The following ARHGAP35 variants were observed in gnomAD, a reference collection of about 807,000 sequenced individuals.
ARHGAP35 encodes the protein Rho GTPase activating protein 35, also known as rho GTPase-activating protein 35.
Under a neutral mutation model 111.1 loss-of-function variants are expected in ARHGAP35, and 15 were observed. The observed-to-expected ratio is 0.13, with a 90% CI of 0.09 to 0.21. ARHGAP35 has a LOEUF of 0.21. Ranked by LOEUF, ARHGAP35 falls within the 10% of genes least tolerant of loss-of-function variation. ARHGAP35 has a pLI of 1.00. For synonymous variants in ARHGAP35, 643 were observed against 710.3 expected (o/e 0.91, Z 1.51); for missense variants, 1,262 against 1,873.0 (o/e 0.67, Z 6.02).
chr19:46,910,030 T>A (rs547498050), intron 1 of ARHGAP35, among the ~76,000 whole-genome samples: 15 of 152,334 alleles, frequency 9.8e-5, no homozygotes, highest in African/African-American at 3.6e-4. Flanking sequence ...TTATGTAAGA[T>A]GATTAACTCC....
chr19:46,862,789 A>G (rs1005111352), intron 1 of ARHGAP35, among the ~76,000 whole-genome samples: 2 of 151,798 alleles, frequency 1.3e-5, no homozygotes, highest in South Asian at 2.1e-4. Flanking sequence ...AGTTTTCCAC[A>G]TGACAGTCTC....
Position 46,861,079 on chromosome 19 carries a change from C to T in ARHGAP35, c.-319C>T, listed in dbSNP as rs1215126905. Among the ~76,000 whole-genome samples, 1 of 148,126 alleles carries T rather than the reference C, an allele frequency of 6.8e-6. No homozygotes were observed. Among genetic ancestry groups the T allele is most frequent in the Non-Finnish European group, 1.5e-5 (1 of 67,282 alleles). On this transcript the variant is annotated 5_prime_UTR_variant, in exon 1 of 7. Transcript: ENST00000672722. ...AACCCGCGAGGGAGGGTCCGCCCGG[C>T]CCCCCGCCGCCGGAGCCGCCGCCGC...
At chr19:46,981,841 TG>T (rs1359726022) in intron 3 of ARHGAP35, among the ~76,000 whole-genome samples, 12 of 150,820 alleles carry the variant, frequency 8.0e-5, no homozygotes, top group Middle Eastern at 3.4e-3. Context: ...TGTTTTGTTT[TG>T]TTTTGTTTTG....
chr19:46,914,748 T>A (rs1599813810), intron 1 of ARHGAP35, among the ~76,000 whole-genome samples: 1 of 152,376 alleles, frequency 6.6e-6, no homozygotes, highest in South Asian at 2.1e-4. Context: ...TTTAGTTCAT[T>A]TCAAAATAGA....
intron 3 of ARHGAP35, among the ~76,000 whole-genome samples, chr19:46,972,430 G>T (rs753654242): frequency 2.0e-5 from 3 of 152,250 alleles, no homozygotes; most frequent in Admixed American, 6.5e-5. Context: ...TTCTTGAGCT[G>T]ATTTCCTACA....
At chr19:46,874,283 C>T (rs2055903901) in intron 1 of ARHGAP35, among the ~76,000 whole-genome samples, 5 of 152,044 alleles carry the variant, frequency 3.3e-5, no homozygotes, top group Admixed American at 3.3e-4. Context: ...AGCAATTCTT[C>T]CCTTACAGGT....
chr19:46,971,526 G>A (rs1352861934), intron 3 of ARHGAP35, among the ~76,000 whole-genome samples: 2 of 151,270 alleles, frequency 1.3e-5, no homozygotes, highest in Non-Finnish European at 1.5e-5. Context: ...TTGAGACGGA[G>A]TCTTGCTCTG....
chr19:46,987,628 C>T (rs1389992083), intron 3 of ARHGAP35, among the ~76,000 whole-genome samples: 1 of 152,144 alleles, frequency 6.6e-6, no homozygotes, highest in Non-Finnish European at 1.5e-5. Flanking sequence ...TCACAACATA[C>T]TTTGTAAGTG....
chr19:46,939,370 T>C (rs1044768837), intron 3 of ARHGAP35, among the ~76,000 whole-genome samples: 7 of 114,278 alleles, frequency 6.1e-5, no homozygotes, highest in Admixed American at 2.8e-4. Context: ...TATGCACCTT[T>C]ACATTTATTT....
chr19:46,930,741 C>T (rs2056268151), intron 2 of ARHGAP35, among the ~76,000 whole-genome samples: 2 of 151,590 alleles, frequency 1.3e-5, no homozygotes, highest in South Asian at 2.1e-4. Context: ...ATAGAATATT[C>T]TTACCTTTTT....
chr19:46,984,443 C>T (rs1290370065), intron 3 of ARHGAP35, among the ~76,000 whole-genome samples: 3 of 152,210 alleles, frequency 2.0e-5, no homozygotes, highest in Non-Finnish European at 4.4e-5. Context: ...TGGCAAGCTG[C>T]CCGTGCTCTT....
Position 47,001,379 on chromosome 19 carries a change from A to G in ARHGAP35, c.*691A>G, listed in dbSNP as rs781751682. 1 of 1,289,882 alleles carries G rather than the reference A, an allele frequency of 7.8e-7. No homozygotes were observed. The highest frequency in any genetic ancestry group is 1.2e-5 in the South Asian group (1 of 81,026). 79.9% of individuals were successfully genotyped at this position (1,289,882 alleles called of 1,614,324 possible). A position where few individuals can be genotyped will look rare whatever the true frequency, so the allele number is the denominator to read the frequency against. ...CTGGCAAACAAAGGAACACTAGGAGAAAAAATGGAAAAACCCTTCCAGTAA... is the reference window on the plus strand; with the variant it reads ...CTGGCAAACAAAGGAACACTAGGAGGAAAAATGGAAAAACCCTTCCAGTAA... On this transcript the variant is annotated 3_prime_UTR_variant, in exon 7 of 7. Coordinates refer to ENST00000672722, the MANE Select transcript of ARHGAP35 (RefSeq NM_004491.5). This position sits in a 1 kb window ranked among gnomAD's most constrained non-coding sequence, Gnocchi z 5.4.
At chr19:46,974,385 C>T (rs1231988303) in intron 3 of ARHGAP35, among the ~76,000 whole-genome samples, 3 of 152,146 alleles carry the variant, frequency 2.0e-5, no homozygotes, top group Non-Finnish European at 2.9e-5. Flanking sequence ...CAAAGTCTGG[C>T]GTTACCATCC....
At chr19:46,977,386 G>A (rs142674284) in intron 3 of ARHGAP35, among the ~76,000 whole-genome samples, 8 of 152,318 alleles carry the variant, frequency 5.3e-5, no homozygotes, top group East Asian at 1.9e-4. Context: ...TGCTCCAGCC[G>A]CTTAGGGAGC....
intron 3 of ARHGAP35, among the ~76,000 whole-genome samples, chr19:46,985,486 C>T (rs2056644119): frequency 6.6e-6 from 1 of 152,240 alleles, no homozygotes; most frequent in Admixed American, 6.5e-5. Flanking sequence ...ACTCAGACCA[C>T]TCTGCCTCTT....
intron 3 of ARHGAP35, among the ~76,000 whole-genome samples, chr19:46,975,579 C>G (rs1254106940): frequency 3.3e-5 from 5 of 152,140 alleles, no homozygotes; most frequent in Admixed American, 6.5e-5. Flanking sequence ...ATGCTAATCC[C>G]TTTTTACAAG....
Position 46,901,433 on chromosome 19 carries a change from C to T in ARHGAP35, c.-188-17055C>T, listed in dbSNP as rs2056083100. Among the ~76,000 whole-genome samples, 1 of 152,160 alleles carries T rather than the reference C, an allele frequency of 6.6e-6. No individual in the cohort carries two copies. Among genetic ancestry groups the T allele is most frequent in the African/African-American group, 2.4e-5 (1 of 41,432 alleles). On this transcript the variant is annotated intron_variant, in intron 1 of 6. Coordinates refer to ENST00000672722, the MANE Select transcript of ARHGAP35 (RefSeq NM_004491.5). This position sits in a 1 kb window ranked among gnomAD's most constrained non-coding sequence, Gnocchi z 4.5. ...ATTAGCTAGGCATGGTGACGCGTGC[C>T]TGTAGTTCCAGCTACTTGGAAGGCT...
chr19:46,909,684 C>T (rs1233120471), intron 1 of ARHGAP35, among the ~76,000 whole-genome samples: 1 of 152,200 alleles, frequency 6.6e-6, no homozygotes, highest in Non-Finnish European at 1.5e-5. Flanking sequence ...ACAACTACCC[C>T]ACCAACACTG....
rs1297387697 is a variant in ARHGAP35 at position 46,999,407 on chromosome 19, C to T, written c.4140C>T (p.Asn1380=). 6.4e-7 allele frequency: 1 copy of T among 1,573,286 alleles called. No individual in the cohort carries two copies. Among genetic ancestry groups the T allele is most frequent in the South Asian group, 1.2e-5 (1 of 85,644 alleles). ...TCAAGTATGTCATCTCTCACCTAAA[C>T]AAGTAAGTCGCAGGGCCTTCTGGTT... ...EVFKYVISHL[N]KVSHNNKVNL... The change falls in exon 6 of 7, where the codon AAC becomes AAT. Residue 1380 remains asparagine, a splice_region_variant and synonymous_variant. Coordinates refer to ENST00000672722, the MANE Select transcript of ARHGAP35 (RefSeq NM_004491.5). The surrounding 1 kb of genome is among the most constrained non-coding windows in gnomAD (Gnocchi z 5.4).
Sources: allele counts gnomAD v4.1 joint callset (sites outside exome capture counted in the v4.1 genomes callset), GRCh38; gene constraint gnomAD v4.1.1; non-coding constraint Gnocchi (gnomAD v3.1); transcripts MANE v1.5; gene names NCBI Gene and HGNC (gene_info 2026-07-23, HGNC 2026-07-21).